The following INSR variants were observed in gnomAD, a reference collection of about 807,000 sequenced individuals.
The protein encoded by INSR is IR.
A neutral mutation model predicts 142.6 loss-of-function variants in INSR; 67 were observed. The ratio of observed to expected loss-of-function variants is 0.47; its 90% CI spans 0.39 to 0.58. The LOEUF is 0.58. Ranked by LOEUF, INSR falls within the 20% of genes least tolerant of loss-of-function variation. The pLI is 0.00. For missense variants in INSR, 1,248 were observed against 1,833.2 expected (o/e 0.68, Z 5.83); for synonymous variants, 756 against 743.1 (o/e 1.02, Z -0.28).
At chr19:7,131,021 G>C (rs1972767394) in intron 14 of INSR, among the ~76,000 whole-genome samples, 1 of 148,476 alleles carries the variant, frequency 6.7e-6, no homozygotes, top group South Asian at 2.1e-4. Flanking sequence ...TGGGACTGCG[G>C]GTGCACACCA....
rs369922246 is a variant in INSR, at chr19:7,267,847, C to T, written c.150G>A (p.Leu50=). 1.1e-5 allele frequency: 17 copies of T among 1,613,940 alleles called. No individual in the cohort carries two copies. Among genetic ancestry groups the T allele is most frequent in the African/African-American group, 6.7e-5 (5 of 74,878 alleles). Residue 50 remains leucine, a synonymous_variant, in exon 2 of 22, where the codon CTG becomes CTA. Transcript: ENST00000302850. The surrounding 1 kb of genome is among the most constrained non-coding windows in gnomAD (Gnocchi z 6.3). ...GTCCTTCGATGACAGAGCAATTCTC[C>T]AGCTCATGCAACCTAGTGAGGTTGT... ...IRNNLTRLHE[L]ENCSVIEGHL...
intron 1 of INSR, among the ~76,000 whole-genome samples, chr19:7,277,271 G>A (rs776394309): frequency 5.3e-5 from 8 of 151,862 alleles, no homozygotes; most frequent in African/African-American, 9.7e-5. Flanking sequence ...GAATGGAGGC[G>A]TCTGGATCAA....
chr19:7,257,734 G>A (rs1976939852), intron 2 of INSR, among the ~76,000 whole-genome samples: 1 of 151,902 alleles, frequency 6.6e-6, no homozygotes, highest in South Asian at 2.1e-4. Flanking sequence ...AAGGAAGGAA[G>A]GAAGTACCAG....
chr19:7,126,543 A>G, intron 16 of INSR, 41 bp downstream of exon 16: 2 of 1,503,406 alleles, frequency 1.3e-6, no homozygotes, highest in Non-Finnish European at 1.8e-6. Context: ...GAAGCTGATG[A>G]GTAGGGTTCT....
chr19:7,196,116 G>A (rs926343165), intron 2 of INSR, among the ~76,000 whole-genome samples: 3 of 150,866 alleles, frequency 2.0e-5, no homozygotes, highest in Non-Finnish European at 3.0e-5. Context: ...TGTATTTTTA[G>A]TAGAGACGGG....
At chr19:7,182,478 A>G (rs1974298337) in intron 3 of INSR, among the ~76,000 whole-genome samples, 1 of 152,136 alleles carries the variant, frequency 6.6e-6, no homozygotes, top group South Asian at 2.1e-4. Context: ...ATGCCACTGC[A>G]CTCCAGCCTG....
chr19:7,187,697 T>A (rs1207845571), intron 2 of INSR, among the ~76,000 whole-genome samples: 2 of 151,608 alleles, frequency 1.3e-5, no homozygotes, highest in Non-Finnish European at 2.9e-5. Flanking sequence ...CTCGGCCTCT[T>A]GGGTAGCTGG....
chr19:7,163,233 G>T (rs751476784), intron 8 of INSR, 34 bp from the exon 9 acceptor site: 3 of 1,589,664 alleles, frequency 1.9e-6, no homozygotes, highest in Non-Finnish European at 2.6e-6. Flanking sequence ...TCCATCATGA[G>T]AAACAGTGTG....
rs1479620038 is a variant in INSR, at chr19:7,192,237, A to G, written c.653-7600T>C. 7.0e-6 allele frequency among the ~76,000 whole-genome samples: 1 copy of G among 143,422 alleles called. No individual in the cohort carries two copies. Among genetic ancestry groups the G allele is most frequent in the Non-Finnish European group, 1.5e-5 (1 of 65,490 alleles). 94.1% of individuals were successfully genotyped at this position (143,422 alleles called of 152,430 possible). ...AGAAAGAAAAGAAAGAGAAAGAAGG[A>G]AGGGAGGGAGGGAAGAAAAGAAAAG... On this transcript the variant is annotated intron_variant, in intron 2 of 21. Coordinates refer to ENST00000302850, the MANE Select transcript of INSR (RefSeq NM_000208.4). The surrounding 1 kb of genome is among the most constrained non-coding windows in gnomAD (Gnocchi z 4.2).
intron 1 of INSR, among the ~76,000 whole-genome samples, chr19:7,272,043 G>A (rs1050940113): frequency 6.6e-6 from 1 of 151,710 alleles, no homozygotes; most frequent in African/African-American, 2.4e-5. Context: ...AGTGGCTCAC[G>A]CCTGTAATCC....
intron 2 of INSR, among the ~76,000 whole-genome samples, chr19:7,224,420 G>A (rs7248104): frequency 0.38 from 57,510 of 151,712 alleles, 11,241 homozygotes; most frequent in South Asian, 0.41. Context: ...GGCGTGCAGC[G>A]AAGTAAACAC....
intron 2 of INSR, among the ~76,000 whole-genome samples, chr19:7,266,542 C>T (rs1352720913): frequency 2.6e-5 from 4 of 152,100 alleles, no homozygotes; most frequent in African/African-American, 7.2e-5. Context: ...TGCACCGCCA[C>T]GCCCGGCTAA....
At position 7,154,652 on chromosome 19, in the gene INSR, G is replaced by A. The variant is rs571994805; in HGVS notation, c.2030-1725C>T. 1.3e-4 allele frequency among the ~76,000 whole-genome samples: 19 copies of A among 151,180 alleles called. No individual in the cohort carries two copies. In the South Asian group the frequency reaches 1.3e-3, roughly 10 times the overall value. On this transcript the variant is annotated intron_variant, in intron 9 of 21. Transcript: ENST00000302850. ...TAGAAACTGCCAGGTGGCTGGGCGC[G>A]GTGGCTCACTCCTGTAATCCCAGCA...
chr19:7,266,147 T>C (rs1406741205), intron 2 of INSR, among the ~76,000 whole-genome samples: 2 of 152,138 alleles, frequency 1.3e-5, no homozygotes, highest in African/African-American at 4.8e-5. Flanking sequence ...CCTCCCGCAG[T>C]AAATTATGAA....
rs981994507 is a variant in INSR, at chr19:7,150,985, CT to C, written c.2232-454del. Among the ~76,000 whole-genome samples the C allele has an allele frequency of 2.0e-5, 3 of 149,048 alleles. No individual in the cohort carries two copies. The highest frequency in any genetic ancestry group is 7.4e-5 in the African/African-American group (3 of 40,364). ...CTTTCCTCTTTTACTTTCTTTCTCT[CT>C]TTTTCCCTCTTTCCTTCCTTCATTT... On this transcript the variant is annotated intron_variant, in intron 10 of 21. Transcript: ENST00000302850. The surrounding 1 kb of genome is among the most constrained non-coding windows in gnomAD (Gnocchi z 4.2).
At chr19:7,124,535 T>C (rs1478699943) in intron 17 of INSR, among the ~76,000 whole-genome samples, 12 of 43,136 alleles carry the variant, frequency 2.8e-4, no homozygotes, top group Admixed American at 4.2e-4. Flanking sequence ...CGAGACTCCG[T>C]TTCAGGAAAA....
intron 13 of INSR, among the ~76,000 whole-genome samples, chr19:7,141,279 T>A (rs1280085507): frequency 6.6e-6 from 1 of 152,114 alleles, no homozygotes; most frequent in African/African-American, 2.4e-5. Context: ...GGTCTCAAAC[T>A]CCTGGCCTCA....
intron 2 of INSR, among the ~76,000 whole-genome samples, chr19:7,194,513 T>C (rs1220059597): frequency 1.4e-5 from 2 of 140,420 alleles, no homozygotes; most frequent in Non-Finnish European, 3.2e-5. Flanking sequence ...CTTTGCTTTT[T>C]TTTTTTTTTT....
rs1968572508 is a variant in INSR at position 7,294,006 on chromosome 19, C to T, written c.-115G>A. ...GGGGGCCGCGCGTCCTTCTCTTCCA[C>T]GCCCGCGACCCGCGGGCCGCAGCCC... On this transcript the variant is annotated 5_prime_UTR_variant, in exon 1 of 22. The change creates a new upstream start codon in the 5' untranslated region. Transcript: ENST00000302850. The T allele has an allele frequency of 2.8e-6, 3 of 1,063,930 alleles. No homozygotes were observed. Among genetic ancestry groups the T allele is most frequent in the South Asian group, 4.6e-5 (1 of 21,536 alleles). The allele number at this position is 1,063,930 out of a possible 1,614,324, so 65.9% of individuals were successfully genotyped here. A position where few individuals can be genotyped will look rare whatever the true frequency, so the allele number is the denominator to read the frequency against.
Sources: allele counts gnomAD v4.1 joint callset (sites outside exome capture counted in the v4.1 genomes callset), GRCh38; gene constraint gnomAD v4.1.1; non-coding constraint Gnocchi (gnomAD v3.1); transcripts MANE v1.5; gene names NCBI Gene and HGNC (gene_info 2026-07-23, HGNC 2026-07-21).